PIP4K2B: variants seen among roughly 807,000 people sequenced by gnomAD.
PIP4K2B encodes the protein phosphatidylinositol-5-phosphate 4-kinase type 2 beta.
A neutral mutation model predicts 42.0 loss-of-function variants in PIP4K2B; 3 were observed. That is an observed-to-expected ratio of 0.07 (90% CI 0.03 to 0.18). The LOEUF is 0.18. PIP4K2B is among the 10% of genes least tolerant of loss of function. PIP4K2B has a pLI of 1.00. For synonymous variants in PIP4K2B, 204 were observed against 210.1 expected (o/e 0.97, Z 0.25); for missense variants, 332 against 562.3 (o/e 0.59, Z 4.14).
intron 7 of PIP4K2B, among the ~76,000 whole-genome samples, chr17:38,774,704 A>G (rs1478869231): frequency 6.6e-6 from 1 of 151,860 alleles, no homozygotes; most frequent in African/African-American, 2.4e-5. Context: ...CGGGAGGCGG[A>G]GCTTGCAGTG....
At position 38,778,385 on chromosome 17, in the gene PIP4K2B, G is replaced by T. The variant is rs752633787; in HGVS notation, c.655-13C>A. On this transcript the variant is annotated splice_polypyrimidine_tract_variant and intron_variant, in intron 5 of 9. Coordinates refer to ENST00000619039, the MANE Select transcript of PIP4K2B (RefSeq NM_003559.5). ...CAACCGTAGAACCCTGAAAGGATAA[G>T]AGCCATCAGGGGAAGTCAAGCTGAG... is the stretch of plus-strand genomic sequence containing the variant. The T allele has an allele frequency of 6.2e-7, 1 of 1,613,820 alleles. No homozygotes were observed. The highest frequency in any genetic ancestry group is 8.5e-7 in the Non-Finnish European group (1 of 1,179,734).
chr17:38,770,439 G>A lies in PIP4K2B; in HGVS notation c.1167C>T (p.His389=), dbSNP rs369691664. Residue 389 remains histidine (H), a synonymous_variant, in exon 9 of 10, where the codon CAC becomes CAT. Transcript: ENST00000619039. ...KAAHAAKTVK[H]GAGAEISTVN... is the part of the protein sequence containing the mutation. The stretch of plus-strand genomic sequence containing the variant: ...GATGAAGATGGAGAGGACTCACCCC[G>A]TGTTTCACCGTTTTGGCAGCATGTG... The A allele has an allele frequency of 2.9e-5, 47 of 1,598,132 alleles. No homozygotes were observed. Among genetic ancestry groups the A allele is most frequent in the African/African-American group, 4.0e-5 (3 of 74,524 alleles).
intron 1 of PIP4K2B, among the ~76,000 whole-genome samples, chr17:38,793,071 G>C (rs1442013564): frequency 6.6e-6 from 1 of 151,930 alleles, no homozygotes; most frequent in African/African-American, 2.4e-5. Context: ...TGGGATTACA[G>C]GCGCATGCCA....
At chr17:38,790,346 G>C (rs1424747626) in intron 1 of PIP4K2B, among the ~76,000 whole-genome samples, 1 of 152,138 alleles carries the variant, frequency 6.6e-6, no homozygotes, top group Non-Finnish European at 1.5e-5. Flanking sequence ...CTTTTTCCTG[G>C]CATATCAAGC....
intron 1 of PIP4K2B, among the ~76,000 whole-genome samples, chr17:38,787,464 C>T (rs141177171): frequency 5.3e-5 from 8 of 152,340 alleles, no homozygotes; most frequent in African/African-American, 1.2e-4. Flanking sequence ...AATACCCTTT[C>T]CCATCTTGGA....
rs1426467708 is a variant in PIP4K2B, at chr17:38,767,615, C to T, written c.*2076G>A. 1 of 152,170 alleles carries T rather than the reference C, an allele frequency of 6.6e-6. No homozygotes were observed. The highest frequency in any genetic ancestry group is 1.5e-5 in the Non-Finnish European group (1 of 68,042). The allele number at this position is 152,170 out of a possible 1,614,324, so 9.4% of individuals were successfully genotyped here. A position where few individuals can be genotyped will look rare whatever the true frequency, so the allele number is the denominator to read the frequency against. On this transcript the variant is annotated 3_prime_UTR_variant, in exon 10 of 10. Coordinates refer to ENST00000619039, the MANE Select transcript of PIP4K2B (RefSeq NM_003559.5). Reference sequence around the variant, plus strand: ...AAGAATGTGTTACACTTTCCATACACATTATGGCAACATGATCAGCAGACC... The same window carrying T: ...AAGAATGTGTTACACTTTCCATACATATTATGGCAACATGATCAGCAGACC...
intron 1 of PIP4K2B, among the ~76,000 whole-genome samples, chr17:38,795,099 C>CAAA (rs61707682): frequency 2.3e-3 from 94 of 41,436 alleles, no homozygotes; most frequent in East Asian, 9.4e-3. Context: ...AACTCCATCT[C>CAAA]AAAAAAAAAA....
intron 7 of PIP4K2B, among the ~76,000 whole-genome samples, chr17:38,775,729 G>A (rs546414159): frequency 3.3e-5 from 5 of 152,072 alleles, no homozygotes; most frequent in East Asian, 2.0e-4. Flanking sequence ...GTGGCAGCAC[G>A]CGCCTGTAGT....
At chr17:38,787,201 A>G in intron 1 of PIP4K2B, among the ~76,000 whole-genome samples, 1 of 152,070 alleles carries the variant, frequency 6.6e-6, no homozygotes, top group South Asian at 2.1e-4. Context: ...ACGCCCAGCT[A>G]ATTTTTTTGT....
chr17:38,785,560 T>C (rs1909962085), intron 2 of PIP4K2B, among the ~76,000 whole-genome samples: 1 of 152,050 alleles, frequency 6.6e-6, no homozygotes, highest in African/African-American at 2.4e-5. Flanking sequence ...GTGCCTGTAA[T>C]CCCAGCTACT....
chr17:38,788,235 G>A (rs1452038466), intron 1 of PIP4K2B, among the ~76,000 whole-genome samples: 1 of 151,124 alleles, frequency 6.6e-6, no homozygotes. Context: ...GAGTCTCACT[G>A]TGTCGCCCAG....
At chr17:38,793,109 A>T (rs896435816) in intron 1 of PIP4K2B, among the ~76,000 whole-genome samples, 1 of 152,048 alleles carries the variant, frequency 6.6e-6, no homozygotes, top group Non-Finnish European at 1.5e-5. Flanking sequence ...TTGTATTTTT[A>T]GTAGAGACAG....
At chr17:38,795,036 G>C (rs1910564626) in intron 1 of PIP4K2B, among the ~76,000 whole-genome samples, 1 of 139,726 alleles carries the variant, frequency 7.2e-6, no homozygotes, top group South Asian at 2.3e-4. Flanking sequence ...GGAGGCAGAG[G>C]TTGCAGTGAG....
intron 1 of PIP4K2B, among the ~76,000 whole-genome samples, chr17:38,793,608 C>T (rs1420151820): frequency 1.3e-5 from 2 of 152,108 alleles, no homozygotes; most frequent in Non-Finnish European, 2.9e-5. Context: ...CAGTGGCTCA[C>T]GCCTGTAATC....
At position 38,775,070 on chromosome 17, in the gene PIP4K2B, C is replaced by T. The variant is rs185766926; in HGVS notation, c.807+2617G>A. On this transcript the variant is annotated intron_variant, in intron 7 of 9. Transcript: ENST00000619039. ...GTTCATGCCATTCTCCTGCCTCAGC[C>T]TCCCGAGTAGCTGGGACTACAGGCG... Among the ~76,000 whole-genome samples, 153 of 151,972 alleles carry T rather than the reference C, an allele frequency of 1.0e-3. 1 individual carries two copies. Among genetic ancestry groups the T allele is most frequent in the African/African-American group, 3.4e-3 (140 of 41,486 alleles).
At chr17:38,774,929 T>G (rs2143342424) in intron 7 of PIP4K2B, among the ~76,000 whole-genome samples, 1 of 151,042 alleles carries the variant, frequency 6.6e-6, no homozygotes, top group African/African-American at 2.5e-5. Flanking sequence ...CAATGGAATA[T>G]TAATCAGTTT....
At chr17:38,793,163 A>T (rs1023322808) in intron 1 of PIP4K2B, among the ~76,000 whole-genome samples, 1 of 151,958 alleles carries the variant, frequency 6.6e-6, no homozygotes. Context: ...TCCTGACCTC[A>T]AGTGATCCGC....
chr17:38,775,207 C>G (rs1458705282), intron 7 of PIP4K2B, among the ~76,000 whole-genome samples: 1 of 152,120 alleles, frequency 6.6e-6, no homozygotes, highest in Non-Finnish European at 1.5e-5. Context: ...CCTGCCTTGG[C>G]CTCCCAAAGT....
intron 5 of PIP4K2B, among the ~76,000 whole-genome samples, 171 bp from the exon 6 acceptor site, chr17:38,778,543 T>TGC (rs1207128501): frequency 6.6e-6 from 1 of 152,178 alleles, no homozygotes; most frequent in Non-Finnish European, 1.5e-5. Context: ...GAGCTCTATG[T>TGC]GCAAGACACT....
Sources: gnomAD v4.1 joint callset for allele counts (sites outside exome capture counted in the v4.1 genomes callset) on GRCh38, gnomAD v4.1.1 for gene constraint, MANE v1.5 for transcripts, NCBI Gene and HGNC (gene_info 2026-07-23, HGNC 2026-07-21) for gene names.